The following DYNC2I1 variants were observed in gnomAD, a reference collection of about 807,000 sequenced individuals.
DYNC2I1 encodes dynein 2 intermediate chain 1, also known as cytoplasmic dynein 2 intermediate chain 1.
Under a neutral mutation model 133.4 loss-of-function variants are expected in DYNC2I1, and 89 were observed. That is an observed-to-expected ratio of 0.67 (90% CI 0.56 to 0.80). DYNC2I1 has a LOEUF of 0.80. Among genes scored for constraint, DYNC2I1 ranks in the 30% least tolerant of loss-of-function variants. DYNC2I1 has a pLI of 0.00. For synonymous variants in DYNC2I1, 504 were observed against 484.3 expected (o/e 1.04, Z -0.54); for missense variants, 1,291 against 1,314.5 (o/e 0.98, Z 0.28).
At chr7:158,858,765 CTTT>C (rs1841561857) in intron 1 of DYNC2I1, among the ~76,000 whole-genome samples, 1 of 151,550 alleles carries the variant, frequency 6.6e-6, no homozygotes, top group Non-Finnish European at 1.5e-5. Context: ...GTGTCTCCCT[CTTT>C]TTTGAAATCT....
At chr7:158,888,274 C>T (rs572007032) in intron 7 of DYNC2I1, among the ~76,000 whole-genome samples, 17 of 152,156 alleles carry the variant, frequency 1.1e-4, no homozygotes, top group African/African-American at 2.6e-4. Flanking sequence ...CTGCCGACCT[C>T]GGCCTCCCAA....
At chr7:158,870,174 G>A (rs900885563) in intron 2 of DYNC2I1, among the ~76,000 whole-genome samples, 8 of 152,208 alleles carry the variant, frequency 5.3e-5, no homozygotes, top group African/African-American at 1.9e-4. Flanking sequence ...CACTTCAGGG[G>A]CCGCAGCGGT....
intron 11 of DYNC2I1, among the ~76,000 whole-genome samples, chr7:158,910,252 G>A (rs1173029178): frequency 1.3e-5 from 2 of 152,278 alleles, no homozygotes; most frequent in African/African-American, 2.4e-5. Flanking sequence ...ACGTGGGTGC[G>A]GCGTTTCGGG....
At chr7:158,919,844 A>G (rs1225342963) in intron 15 of DYNC2I1, among the ~76,000 whole-genome samples, 2 of 151,966 alleles carry the variant, frequency 1.3e-5, no homozygotes, top group African/African-American at 2.4e-5. Flanking sequence ...ACACTCCCAC[A>G]CCCAGCAGAC....
intron 1 of DYNC2I1, among the ~76,000 whole-genome samples, chr7:158,862,139 C>T (rs936804134): frequency 7.9e-5 from 12 of 152,130 alleles, no homozygotes; most frequent in Non-Finnish European, 1.5e-4. Context: ...TGCTCCTGCT[C>T]ATTCCACTCT....
At chr7:158,872,561 G>A (rs1842979376) in intron 3 of DYNC2I1, among the ~76,000 whole-genome samples, 1 of 152,156 alleles carries the variant, frequency 6.6e-6, no homozygotes, top group Non-Finnish European at 1.5e-5. Context: ...CTTGAACCAG[G>A]GAGGTGGAGG....
the DYNC2I1 span, among the ~76,000 whole-genome samples, chr7:158,850,842 G>T: frequency 6.6e-6 from 1 of 152,106 alleles, no homozygotes; most frequent in Non-Finnish European, 1.5e-5. Context: ...GTTGCCTGGG[G>T]CAGCAAGGAG....
intron 11 of DYNC2I1, among the ~76,000 whole-genome samples, chr7:158,908,083 TAAA>T (rs1421204771): frequency 6.6e-6 from 1 of 152,076 alleles, no homozygotes; most frequent in Non-Finnish European, 1.5e-5. Context: ...TGATGATAAA[TAAA>T]AAAGTTTTTG....
In DYNC2I1 at chr7:158,910,613, G is replaced by C. The variant is rs139350602; in HGVS notation, c.1461-937G>C. ...ATCAGCTGTGTCAGGCCTGTGGGCC[G>C]AGGGCACTTGGCTGTGTCAGGCCTG... On this transcript the variant is annotated intron_variant, in intron 11 of 24. Transcript: ENST00000407559. 5.8e-3 allele frequency among the ~76,000 whole-genome samples: 869 copies of C among 150,884 alleles called. 12 individuals are homozygous for C. The highest frequency in any genetic ancestry group is 0.019 in the African/African-American group (772 of 40,948).
chr7:158,958,476 T>C (rs764388427), downstream of DYNC2I1, among the ~76,000 whole-genome samples: 5 of 152,232 alleles, frequency 3.3e-5, no homozygotes, highest in African/African-American at 1.2e-4. Flanking sequence ...GAACGGATGC[T>C]CGTCCTGGCA....
At chr7:158,931,638 A>T (rs1364750179) in intron 21 of DYNC2I1, among the ~76,000 whole-genome samples, 3 of 151,976 alleles carry the variant, frequency 2.0e-5, no homozygotes, top group African/African-American at 7.3e-5. Context: ...CTACACACAC[A>T]CTCTTTGAAG....
At chr7:158,930,540 A>T in intron 21 of DYNC2I1, 25 bp downstream of exon 21, 1 of 1,599,986 alleles carries the variant, frequency 6.3e-7, no homozygotes, top group Non-Finnish European at 8.5e-7. Flanking sequence ...AAAATGCTTC[A>T]CTATCTCACA....
intron 2 of DYNC2I1, among the ~76,000 whole-genome samples, chr7:158,870,522 T>C (rs1842786921): frequency 6.6e-6 from 1 of 150,490 alleles, no homozygotes; most frequent in African/African-American, 2.5e-5. Context: ...CTTGCTAATT[T>C]TTTAATTTTT....
rs749204082 is a variant in DYNC2I1 at position 158,922,340 on chromosome 7, G to T, written c.1922-37G>T. On this transcript the variant is annotated intron_variant, in intron 15 of 24. Transcript: ENST00000407559. ...GTTAAATTTAACTTGGATTCTGGCA[G>T]GTCGTTGAAATGTGAACATATTTTT... The T allele has an allele frequency of 1.8e-5, 28 of 1,589,812 alleles. No homozygotes were observed. The African/African-American group carries it at 3.5e-4, about 20-fold the overall frequency.
intron 14 of DYNC2I1, among the ~76,000 whole-genome samples, chr7:158,914,688 A>G (rs1847829359): frequency 6.6e-6 from 1 of 152,210 alleles, no homozygotes; most frequent in South Asian, 2.1e-4. Context: ...GCTGATTTAT[A>G]AACTGAAAAA....
intron 23 of DYNC2I1, among the ~76,000 whole-genome samples, chr7:158,937,423 G>A (rs181678599): frequency 1.3e-5 from 2 of 152,130 alleles, no homozygotes; most frequent in East Asian, 3.9e-4. Context: ...TCAGGAGATC[G>A]AGAGCATCCT....
chr7:158,946,781 C>T (rs1304506368), downstream of DYNC2I1, among the ~76,000 whole-genome samples: 1 of 152,220 alleles, frequency 6.6e-6, no homozygotes, highest in Non-Finnish European at 1.5e-5. Flanking sequence ...GTCCCATCAC[C>T]CTCCTAGAAT....
At position 158,922,427 on chromosome 7, in the gene DYNC2I1, G is replaced by A; in HGVS notation, c.1972G>A (p.Val658Ile). The change falls in exon 16 of 25, where the codon GTC becomes ATC. Residue 658 changes from valine (V) to isoleucine (I), a missense_variant. Physicochemically the swap from Val to Ile is conservative, Grantham distance 29 (BLOSUM62 3). Transcript: ENST00000407559. The stretch of plus-strand genomic sequence containing the variant: ...CTCCCGAGTTCAGAGGCAGATGGTG[G>A]TCTCCGTTCACGACTTACCCGAGAA... Reference protein sequence around the residue: ...HTSRVQRQMVVSVHDLPEKSF... With the variant: ...HTSRVQRQMVISVHDLPEKSF... 1 of 1,613,990 alleles carries A rather than the reference G, an allele frequency of 6.2e-7. No homozygotes were observed. Among genetic ancestry groups the A allele is most frequent in the Middle Eastern group, 1.6e-4 (1 of 6,062 alleles).
intron 8 of DYNC2I1, among the ~76,000 whole-genome samples, chr7:158,901,488 A>T (rs938965198): frequency 6.6e-6 from 1 of 152,204 alleles, no homozygotes; most frequent in Non-Finnish European, 1.5e-5. Context: ...CACTTAAAAA[A>T]TTTTTAGCCA....
Sources: gnomAD v4.1 joint callset for allele counts (sites outside exome capture counted in the v4.1 genomes callset) on GRCh38, gnomAD v4.1.1 for gene constraint, MANE v1.5 for transcripts, NCBI Gene and HGNC (gene_info 2026-07-23, HGNC 2026-07-21) for gene names.